The following NEGR1 variants were observed in gnomAD, a reference collection of about 807,000 sequenced individuals.
NEGR1 encodes IgLON family member 4.
A neutral mutation model predicts 40.9 loss-of-function variants in NEGR1; 10 were observed. The ratio of observed to expected loss-of-function variants is 0.24; its 90% CI spans 0.15 to 0.42. NEGR1 has a LOEUF of 0.42. Ranked by LOEUF, NEGR1 falls within the 10% of genes least tolerant of loss-of-function variation. NEGR1 has a pLI of 1.00. For synonymous variants in NEGR1, 185 were observed against 166.8 expected (o/e 1.11, Z -0.84); for missense variants, 352 against 438.9 (o/e 0.80, Z 1.77).
rs1646404306 is a variant in NEGR1 at position 71,987,388 on chromosome 1, G to A, written c.177-52077C>T. On this transcript the variant is annotated intron_variant, in intron 1 of 6. Coordinates refer to ENST00000357731, the MANE Select transcript of NEGR1 (RefSeq NM_173808.3). ...AGAGAGAAGCAACAGCTACCAGGGA[G>A]AAATACAAACCACTCACGTGGTACT... Among the ~76,000 whole-genome samples the A allele has an allele frequency of 2.0e-5, 3 of 152,214 alleles. No individual in the cohort carries two copies. The South Asian group carries it at 6.2e-4, about 32-fold the overall frequency.
chr1:71,748,804 A>G (rs1655471368), intron 3 of NEGR1, among the ~76,000 whole-genome samples: 1 of 152,164 alleles, frequency 6.6e-6, no homozygotes, highest in South Asian at 2.1e-4. Flanking sequence ...GTGTTTCTGA[A>G]GCTCTAATGC....
At chr1:71,665,727 C>T (rs750747863) in intron 4 of NEGR1, among the ~76,000 whole-genome samples, 3 of 152,072 alleles carry the variant, frequency 2.0e-5, no homozygotes, top group Non-Finnish European at 2.9e-5. Context: ...TACAGTGGAG[C>T]GCCATTTATT....
rs528857972 is a variant in NEGR1, at chr1:71,999,632, AATATATATATATATATATATATATAT to A, written c.177-64347_177-64322del. Reference sequence around the variant, plus strand: ...ATGTATTTGCATCTTGAGCAAAGCAAATATATATATATATATATATATATATATATATATATATATATATATACATA... The same window carrying A: ...ATGTATTTGCATCTTGAGCAAAGCAAATATATATATATATATATATACATA... On this transcript the variant is annotated intron_variant, in intron 1 of 6. Transcript: ENST00000357731. 8.9e-4 allele frequency among the ~76,000 whole-genome samples: 43 copies of A among 48,364 alleles called. No homozygotes were observed. In the East Asian group the frequency reaches 9.5e-3, roughly 11 times the overall value. 31.7% of individuals were successfully genotyped at this position (48,364 alleles called of 152,430 possible).
At chr1:72,151,511 T>C (rs1163408622) in intron 1 of NEGR1, among the ~76,000 whole-genome samples, 1 of 151,518 alleles carries the variant, frequency 6.6e-6, no homozygotes, top group Non-Finnish European at 1.5e-5. Context: ...TACACACATA[T>C]ACATGATAAT....
chr1:72,174,276 T>C (rs1395177422), intron 1 of NEGR1, among the ~76,000 whole-genome samples: 1 of 152,172 alleles, frequency 6.6e-6, no homozygotes, highest in Non-Finnish European at 1.5e-5. Context: ...TCTCTTTTAC[T>C]ATCAATATTC....
intron 2 of NEGR1, among the ~76,000 whole-genome samples, chr1:71,790,787 A>G (rs922597193): frequency 2.6e-5 from 4 of 152,014 alleles, no homozygotes; most frequent in African/African-American, 4.8e-5. Flanking sequence ...TACTGTTAGG[A>G]TTTTTCAACT....
At chr1:71,895,128 T>G (rs2101855500) in intron 2 of NEGR1, among the ~76,000 whole-genome samples, 1 of 152,212 alleles carries the variant, frequency 6.6e-6, no homozygotes, top group East Asian at 1.9e-4. Context: ...ACCTTTAAGT[T>G]TTAATTTAGG....
At chr1:71,500,318 C>T (rs1316421604) in intron 6 of NEGR1, among the ~76,000 whole-genome samples, 2 of 151,844 alleles carry the variant, frequency 1.3e-5, no homozygotes, top group Non-Finnish European at 2.9e-5. Context: ...CCTATAGAAT[C>T]ATCTAAATGA....
At chr1:72,184,657 T>C (rs112991175) in intron 1 of NEGR1, among the ~76,000 whole-genome samples, 2 of 152,172 alleles carry the variant, frequency 1.3e-5, no homozygotes, top group Admixed American at 6.6e-5. Flanking sequence ...CATAATATTA[T>C]AGTTTTATCA....
rs1288871105 is a variant in NEGR1, at chr1:71,693,286, A to C, written c.667+4722T>G. ...ATCTACTAATTTTCCTGGGAGAAAA[A>C]AAATTAATTGTGAGGCAAACCTAAT... On this transcript the variant is annotated intron_variant, in intron 4 of 6. Transcript: ENST00000357731. Among the ~76,000 whole-genome samples, 3 of 151,806 alleles carry C rather than the reference A, an allele frequency of 2.0e-5. No individual in the cohort carries two copies. The East Asian group carries it at 5.8e-4, about 29-fold the overall frequency.
At chr1:71,603,836 G>C (rs1368044003) in intron 5 of NEGR1, among the ~76,000 whole-genome samples, 1 of 152,058 alleles carries the variant, frequency 6.6e-6, no homozygotes, top group Non-Finnish European at 1.5e-5. Flanking sequence ...ATAACCATAA[G>C]TAAAAATCAG....
intron 1 of NEGR1, among the ~76,000 whole-genome samples, chr1:72,048,221 CA>C (rs985077782): frequency 9.2e-5 from 14 of 151,696 alleles, no homozygotes; most frequent in South Asian, 2.1e-4. Context: ...GTGATAACGA[CA>C]GCACTTAATT....
chr1:71,808,347 C>T (rs1165526538), intron 2 of NEGR1, among the ~76,000 whole-genome samples: 1 of 152,148 alleles, frequency 6.6e-6, no homozygotes, highest in Non-Finnish European at 1.5e-5. Flanking sequence ...AATAGTCCCT[C>T]GCCCTCCTAT....
chr1:71,736,008 G>A (rs1655030696), intron 3 of NEGR1, among the ~76,000 whole-genome samples: 1 of 151,972 alleles, frequency 6.6e-6, no homozygotes, highest in South Asian at 2.1e-4. Context: ...TATTGACAGA[G>A]TTCCTGATAA....
intron 4 of NEGR1, among the ~76,000 whole-genome samples, chr1:71,633,484 T>G (rs1382380230): frequency 6.6e-6 from 1 of 152,092 alleles, no homozygotes; most frequent in Admixed American, 6.6e-5. Context: ...GTGGGAAGAT[T>G]GGCTCAATTC....
intron 3 of NEGR1, among the ~76,000 whole-genome samples, chr1:71,766,613 A>C (rs185434411): frequency 6.6e-6 from 1 of 152,216 alleles, no homozygotes; most frequent in Non-Finnish European, 1.5e-5. Flanking sequence ...CATCAAAATA[A>C]ATAGCCACAA....
chr1:71,637,164 T>C (rs982239282), intron 4 of NEGR1, among the ~76,000 whole-genome samples: 4 of 152,094 alleles, frequency 2.6e-5, no homozygotes, highest in African/African-American at 9.7e-5. Flanking sequence ...TGAACTATTA[T>C]AGTTTGGTCT....
chr1:72,051,591 G>C (rs181752346), intron 1 of NEGR1, among the ~76,000 whole-genome samples: 58 of 151,566 alleles, frequency 3.8e-4, no homozygotes, highest in African/African-American at 1.4e-3. Flanking sequence ...TGACATCCTT[G>C]AAAGTGTGAA....
chr1:71,630,747 T>C (rs560990222), intron 4 of NEGR1, among the ~76,000 whole-genome samples: 43 of 152,066 alleles, frequency 2.8e-4, no homozygotes, highest in Admixed American at 2.8e-3. Context: ...GCATTTTAAA[T>C]GCATAATTTA....
Sources: gnomAD v4.1 joint callset for allele counts (sites outside exome capture counted in the v4.1 genomes callset) on GRCh38, gnomAD v4.1.1 for gene constraint, MANE v1.5 for transcripts, NCBI Gene and HGNC (gene_info 2026-07-23, HGNC 2026-07-21) for gene names.